The following NIPSNAP3B variants were observed in gnomAD, a reference collection of about 807,000 sequenced individuals.
NIPSNAP3B encodes protein NipSnap homolog 3B.
NIPSNAP3B carries 30 observed loss-of-function variants against 31.5 expected under a neutral mutation model. The observed-to-expected ratio is 0.95, with a 90% CI of 0.71 to 1.29. The LOEUF (loss-of-function observed/expected upper bound fraction) is 1.29. NIPSNAP3B is among the 50% of genes most tolerant of loss of function. NIPSNAP3B has a pLI of 0.00. For missense variants in NIPSNAP3B, 269 were observed against 300.7 expected (o/e 0.89, Z 0.78); for synonymous variants, 106 against 107.9 (o/e 0.98, Z 0.11).
At chr9:104,782,258 C>T (rs1445476961), downstream of NIPSNAP3B, 1 of 151,952 alleles carries the variant, frequency 6.6e-6, no homozygotes, top group East Asian at 1.9e-4. Flanking sequence ...GGAAATATGC[C>T]TTCATTACTT....
chr9:104,765,065 G>A (rs910603950), intron 1 of NIPSNAP3B, among the ~76,000 whole-genome samples: 1 of 152,104 alleles, frequency 6.6e-6, no homozygotes, highest in African/African-American at 2.4e-5. Context: ...TGATTAAACT[G>A]ACCCAAAAAG....
the NIPSNAP3B span, chr9:104,788,537 C>G: frequency 6.2e-7 from 1 of 1,614,164 alleles, no homozygotes; most frequent in South Asian, 1.1e-5. Context: ...AGCCCATGTT[C>G]TGATGTACTT....
chr9:104,765,539 C>T (rs1761541661), intron 1 of NIPSNAP3B, among the ~76,000 whole-genome samples: 1 of 152,218 alleles, frequency 6.6e-6, no homozygotes. Flanking sequence ...ACCCATTGGG[C>T]ATATGACTAT....
downstream of NIPSNAP3B, among the ~76,000 whole-genome samples, chr9:104,780,079 AT>A (rs1341661706): frequency 1.7e-4 from 26 of 152,308 alleles, 1 homozygote; most frequent in South Asian, 1.7e-3. Context: ...ACATATTTTC[AT>A]CTAAATTACC....
chr9:104,765,844 G>A (rs1234869531), intron 1 of NIPSNAP3B, among the ~76,000 whole-genome samples: 1 of 152,058 alleles, frequency 6.6e-6, no homozygotes, highest in Non-Finnish European at 1.5e-5. Context: ...TGTTTTTTTA[G>A]GAACCTTTTA....
intron 3 of NIPSNAP3B, 93 bp downstream of exon 3, chr9:104,769,114 A>G (rs901296758): frequency 6.7e-6 from 6 of 889,794 alleles, no homozygotes; most frequent in African/African-American, 3.4e-5. Flanking sequence ...AAAAAAATAT[A>G]TAATTCTTTG....
chr9:104,785,555 T>C, the NIPSNAP3B span: 9 of 1,607,214 alleles, frequency 5.6e-6, no homozygotes, highest in South Asian at 4.4e-5. Context: ...TTCCAGGAAA[T>C]GCAAGTCCAA....
downstream of NIPSNAP3B, among the ~76,000 whole-genome samples, chr9:104,780,174 C>T (rs770494882): frequency 1.3e-5 from 2 of 152,184 alleles, no homozygotes; most frequent in Non-Finnish European, 2.9e-5. Context: ...TCATTAAAGT[C>T]ACTATAACAT....
chr9:104,786,326 G>A, the NIPSNAP3B span: 1 of 1,614,106 alleles, frequency 6.2e-7, no homozygotes, highest in Non-Finnish European at 8.5e-7. Context: ...ACACTGCCAA[G>A]GCACCTGAAC....
chr9:104,768,907 T>C lies in NIPSNAP3B; in HGVS notation c.316T>C (p.Cys106Arg). 1 of 1,613,596 alleles carries C rather than the reference T, an allele frequency of 6.2e-7. No individual in the cohort carries two copies. The highest frequency in any genetic ancestry group is 8.5e-7 in the Non-Finnish European group (1 of 1,179,738). The change falls in exon 3 of 6, where the codon TGT (cysteine) becomes CGT (arginine). Residue 106 changes from cysteine (C) to arginine (R), a missense_variant. By Grantham distance (180) the Cys-to-Arg change is radical. Coordinates refer to ENST00000374762, the MANE Select transcript of NIPSNAP3B (RefSeq NM_018376.4). Reference sequence around the variant, plus strand: ...TGAAGTTCGGAAAGCCTTAGCCAACTGTAAGGAATGGCAAGAACAATCTAT... The same window carrying C: ...TGAAGTTCGGAAAGCCTTAGCCAACCGTAAGGAATGGCAAGAACAATCTAT... ...RAEVRKALAN[C>R]KEWQEQSIIP...
chr9:104,786,257 C>T, the NIPSNAP3B span: 22 of 1,478,458 alleles, frequency 1.5e-5, no homozygotes, highest in Non-Finnish European at 2.0e-5. Context: ...AATATCAAGC[C>T]TTCTCACTAG....
the NIPSNAP3B span, chr9:104,783,973 C>A: frequency 7.5e-4 from 162 of 216,780 alleles, 2 homozygotes; most frequent in Non-Finnish European, 6.2e-4. Flanking sequence ...TGTTGCAACC[C>A]CAATGAGAAT....
chr9:104,769,141 A>T, intron 3 of NIPSNAP3B, 120 bp downstream of exon 3: 1 of 694,628 alleles, frequency 1.4e-6, no homozygotes, highest in South Asian at 3.6e-5. Context: ...ATAATAATAT[A>T]TGATGAGTCT....
the NIPSNAP3B span, chr9:104,785,490 A>T: frequency 6.2e-7 from 1 of 1,614,140 alleles, no homozygotes; most frequent in Non-Finnish European, 8.5e-7. Flanking sequence ...CAGAGAAGAT[A>T]ATGAAGATGG....
chr9:104,778,916 G>A (rs1348960670), downstream of NIPSNAP3B, among the ~76,000 whole-genome samples: 1 of 152,090 alleles, frequency 6.6e-6, no homozygotes, highest in Non-Finnish European at 1.5e-5. Context: ...AAAAAGGCTG[G>A]CGAGATCCTG....
At chr9:104,764,368 A>G in intron 1 of NIPSNAP3B, 68 bp downstream of exon 1, 1 of 1,351,266 alleles carries the variant, frequency 7.4e-7, no homozygotes, top group Admixed American at 2.5e-5. Context: ...GTATTTCTGA[A>G]GCGTGCGAGC....
the NIPSNAP3B span, chr9:104,785,442 C>A: frequency 1.2e-6 from 2 of 1,613,976 alleles, no homozygotes; most frequent in African/African-American, 1.3e-5. Context: ...TATGTGGAGT[C>A]GCTTTTTGCT....
At chr9:104,790,655 T>TA in the NIPSNAP3B span, among the ~76,000 whole-genome samples, 1 of 152,162 alleles carries the variant, frequency 6.6e-6, no homozygotes, top group Admixed American at 6.5e-5. Context: ...ATTATACTCT[T>TA]AAAAAACAAG....
At chr9:104,789,385 C>T in the NIPSNAP3B span, among the ~76,000 whole-genome samples, 1 of 152,156 alleles carries the variant, frequency 6.6e-6, no homozygotes, top group East Asian at 1.9e-4. Context: ...CAGCGCTAGG[C>T]CTGCTATTCC....
Sources: allele counts gnomAD v4.1 joint callset (sites outside exome capture counted in the v4.1 genomes callset), GRCh38; gene constraint gnomAD v4.1.1; transcripts MANE v1.5; gene names NCBI Gene and HGNC (gene_info 2026-07-23, HGNC 2026-07-21).